The following SGCD variants were observed in gnomAD, a reference collection of about 807,000 sequenced individuals.
SGCD encodes delta-sarcoglycan.
SGCD carries 18 observed loss-of-function variants against 36.6 expected under a neutral mutation model. The observed-to-expected ratio is 0.49, with a 90% confidence interval of 0.34 to 0.73. The LOEUF is 0.73. Ranked by LOEUF, SGCD falls within the 30% of genes least tolerant of loss-of-function variation. The pLI is 0.01. For missense variants in SGCD, 387 were observed against 346.7 expected (o/e 1.12, Z -0.92); for synonymous variants, 133 against 130.6 (o/e 1.02, Z -0.12).
At chr5:155,813,948 C>T in the SGCD span, among the ~76,000 whole-genome samples, 19 of 152,264 alleles carry the variant, frequency 1.2e-4, no homozygotes, top group South Asian at 2.1e-3. Context: ...TTCAGCCCTC[C>T]GGTAAACATT....
intron 3 of SGCD, among the ~76,000 whole-genome samples, chr5:156,290,450 A>G (rs1445151000): frequency 1.3e-5 from 2 of 152,176 alleles, no homozygotes; most frequent in Non-Finnish European, 2.9e-5. Flanking sequence ...TGCTGCTCCA[A>G]CACTTACCCA....
chr5:155,800,595 T>TA, the SGCD span, among the ~76,000 whole-genome samples: 9 of 151,814 alleles, frequency 5.9e-5, no homozygotes, highest in Admixed American at 3.9e-4. Context: ...ACATTTTTTT[T>TA]TCATCTTAAA....
intron 1 of SGCD, among the ~76,000 whole-genome samples, chr5:155,970,335 A>G (rs1483877416): frequency 6.6e-6 from 1 of 152,122 alleles, no homozygotes; most frequent in East Asian, 1.9e-4. Context: ...CTCTCTGACA[A>G]CAACTTTCGT....
intron 4 of SGCD, among the ~76,000 whole-genome samples, chr5:156,524,424 T>C (rs1375581819): frequency 6.7e-6 from 1 of 150,284 alleles, no homozygotes; most frequent in African/African-American, 2.4e-5. Context: ...GTGGTCTAGC[T>C]TGGGGGTTCC....
chr5:156,302,597 T>C (rs1190655425), intron 3 of SGCD, among the ~76,000 whole-genome samples: 1 of 152,192 alleles, frequency 6.6e-6, no homozygotes, highest in Non-Finnish European at 1.5e-5. Context: ...TATTTGTGCA[T>C]TAAATATTTA....
intron 3 of SGCD, among the ~76,000 whole-genome samples, chr5:156,479,604 CTGTGGCA>C (rs1561722856): frequency 2.6e-5 from 4 of 152,212 alleles, no homozygotes; most frequent in Admixed American, 1.3e-4. Context: ...GCTCCTACCC[CTGTGGCA>C]TCTTACCTAT....
intron 1 of SGCD, among the ~76,000 whole-genome samples, chr5:156,047,299 G>A (rs1412459761): frequency 6.6e-6 from 1 of 152,164 alleles, no homozygotes; most frequent in Non-Finnish European, 1.5e-5. Context: ...CAAGATCATC[G>A]ATGAAGGTGG....
chr5:156,203,051 C>T (rs1173017180), intron 3 of SGCD, among the ~76,000 whole-genome samples: 1 of 152,044 alleles, frequency 6.6e-6, no homozygotes, highest in Non-Finnish European at 1.5e-5. Context: ...TGCATCATAT[C>T]CCAAAGATTT....
At chr5:156,252,617 A>G (rs1765610777) in intron 3 of SGCD, among the ~76,000 whole-genome samples, 1 of 152,196 alleles carries the variant, frequency 6.6e-6, no homozygotes, top group South Asian at 2.1e-4. Context: ...AAACTTTTTA[A>G]GAACCCCTCA....
chr5:156,647,374 G>A (rs140163634), intron 6 of SGCD, 90 bp from the exon 7 acceptor site: 65 of 801,586 alleles, frequency 8.1e-5, no homozygotes, highest in African/African-American at 7.4e-4. Context: ...TAATGGATTC[G>A]CTGCATTTAG....
the SGCD span, among the ~76,000 whole-genome samples, chr5:155,818,528 T>C: frequency 6.6e-6 from 1 of 152,102 alleles, no homozygotes; most frequent in Admixed American, 6.5e-5. Context: ...AGATACTTTA[T>C]TTATGTTTTT....
chr5:156,649,085 A>G (rs1000090999), intron 7 of SGCD, among the ~76,000 whole-genome samples: 4 of 152,206 alleles, frequency 2.6e-5, no homozygotes, highest in Non-Finnish European at 5.9e-5. Flanking sequence ...GAAGACATTT[A>G]TGCAGCCAGA....
At chr5:156,335,431 G>A (rs1768298044) in intron 2 of SGCD, among the ~76,000 whole-genome samples, 1 of 152,132 alleles carries the variant, frequency 6.6e-6, no homozygotes, top group South Asian at 2.1e-4. Flanking sequence ...TCTGCTCTAT[G>A]TCTATGGCTT....
intron 3 of SGCD, among the ~76,000 whole-genome samples, chr5:156,358,121 A>G (rs1167006516): frequency 1.3e-5 from 2 of 152,128 alleles, no homozygotes; most frequent in African/African-American, 4.8e-5. Flanking sequence ...TTCTCTCATA[A>G]TCTCTTAATT....
intron 3 of SGCD, among the ~76,000 whole-genome samples, chr5:156,217,840 CAT>C (rs1236378083): frequency 2.0e-5 from 3 of 151,950 alleles, no homozygotes; most frequent in African/African-American, 4.8e-5. Flanking sequence ...CACACACATA[CAT>C]GTGTGAGAAT....
chr5:156,072,913 T>C lies in SGCD; in HGVS notation c.-281-44965T>C, dbSNP rs146350472. 5.5e-3 allele frequency among the ~76,000 whole-genome samples: 838 copies of C among 152,350 alleles called. 6 individuals carry two copies. The highest frequency in any genetic ancestry group is 0.019 in the African/African-American group (806 of 41,572). On this transcript the variant is annotated intron_variant, in intron 1 of 9. Transcript: ENST00000517913. The stretch of plus-strand genomic sequence containing the variant: ...CCATCACTGACACCCTTTGTTCCAG[T>C]TGATCGCATCGGCTCCTGAGGCTTC...
intron 7 of SGCD, among the ~76,000 whole-genome samples, chr5:156,668,544 CTT>C (rs1340235543): frequency 2.0e-5 from 3 of 152,130 alleles, no homozygotes; most frequent in African/African-American, 7.2e-5. Flanking sequence ...ATCTAAAACT[CTT>C]TTACAAATGT....
intron 3 of SGCD, among the ~76,000 whole-genome samples, chr5:156,394,450 G>T (rs1580922695): frequency 6.6e-6 from 1 of 152,118 alleles, no homozygotes; most frequent in African/African-American, 2.4e-5. Context: ...ACGAGAGATT[G>T]TAAGAGGTAA....
the SGCD span, among the ~76,000 whole-genome samples, chr5:155,792,191 G>T: frequency 6.6e-6 from 1 of 152,034 alleles, no homozygotes; most frequent in Admixed American, 6.6e-5. Flanking sequence ...TGGGGTAACT[G>T]GCTGTCCATA....
Sources: allele counts gnomAD v4.1 joint callset (sites outside exome capture counted in the v4.1 genomes callset), GRCh38; gene constraint gnomAD v4.1.1; transcripts MANE v1.5; gene names NCBI Gene and HGNC (gene_info 2026-07-23, HGNC 2026-07-21).